The following DPP6 variants were observed in gnomAD, a reference collection of about 807,000 sequenced individuals.
The protein encoded by DPP6 is dipeptidyl peptidase like 6, also known as A-type potassium channel modulatory protein DPP6.
Under a neutral mutation model 122.6 loss-of-function variants are expected in DPP6, and 69 were observed. That is an observed-to-expected ratio of 0.56 (90% CI 0.46 to 0.69). DPP6 has a LOEUF of 0.69. DPP6 is among the 30% of genes least tolerant of loss of function. The pLI is 0.00. For missense variants in DPP6, 928 were observed against 1,116.9 expected, an observed-to-expected ratio of 0.83 and a Z score of 2.41; for synonymous variants, 418 against 433.1, an observed-to-expected ratio of 0.97 and a Z score of 0.43.
At chr7:154,348,395 G>T (rs886787337) in intron 1 of DPP6, among the ~76,000 whole-genome samples, 3 of 152,140 alleles carry the variant, frequency 2.0e-5, no homozygotes, top group Admixed American at 1.3e-4. Context: ...AGAAATGAAA[G>T]TCTTAATTAA....
chr7:153,860,907 G>T, the DPP6 span, among the ~76,000 whole-genome samples: 1 of 152,164 alleles, frequency 6.6e-6, no homozygotes, highest in African/African-American at 2.4e-5. Flanking sequence ...GCAGAGGAGA[G>T]GCAAGTTAAT....
At chr7:154,051,498 C>T (rs1301037448), upstream of DPP6, among the ~76,000 whole-genome samples, 2 of 149,410 alleles carry the variant, frequency 1.3e-5, no homozygotes, top group Admixed American at 6.6e-5. Flanking sequence ...GAGCGGAGCC[C>T]GCTGGTGCGG....
chr7:153,786,870 TA>T, the DPP6 span, among the ~76,000 whole-genome samples: 1 of 145,996 alleles, frequency 6.8e-6, no homozygotes, highest in Non-Finnish European at 1.5e-5. Flanking sequence ...GTCAGGGAAG[TA>T]AAAAAATGGC....
At chr7:154,708,068 T>TA (rs1840933037) in intron 7 of DPP6, among the ~76,000 whole-genome samples, 1 of 152,194 alleles carries the variant, frequency 6.6e-6, no homozygotes, top group Non-Finnish European at 1.5e-5. Flanking sequence ...GAGGGCAAAA[T>TA]AGAGTCAGTA....
intron 1 of DPP6, among the ~76,000 whole-genome samples, chr7:154,018,495 C>T (rs1451864467): frequency 1.3e-5 from 2 of 152,170 alleles, no homozygotes; most frequent in Non-Finnish European, 2.9e-5. Context: ...TTTGTGGAGT[C>T]TAGGAACAGG....
At chr7:154,327,001 C>T (rs1468112862) in intron 1 of DPP6, among the ~76,000 whole-genome samples, 2 of 152,010 alleles carry the variant, frequency 1.3e-5, no homozygotes, top group East Asian at 3.9e-4. Flanking sequence ...TTCCTGTCTC[C>T]GGGGAGGTCA....
chr7:154,316,436 C>A (rs1807435596), intron 1 of DPP6, among the ~76,000 whole-genome samples: 1 of 152,192 alleles, frequency 6.6e-6, no homozygotes, highest in Non-Finnish European at 1.5e-5. Context: ...ATCACCAAAG[C>A]CCTTTTTTGT....
In DPP6 at chr7:154,491,379, C is replaced by T. The variant is rs1201147820; in HGVS notation, c.457+16342C>T. Among the ~76,000 whole-genome samples, 5 of 152,318 alleles carry T rather than the reference C, an allele frequency of 3.3e-5. No individual in the cohort carries two copies. The East Asian group carries it at 9.7e-4, about 29-fold the overall frequency. ...TCATTAAGCTCGGAAAATCCTTACTCCCTGATTGCTCAGATCCCACAGATG... is the reference window on the plus strand; with the variant it reads ...TCATTAAGCTCGGAAAATCCTTACTTCCTGATTGCTCAGATCCCACAGATG... On this transcript the variant is annotated intron_variant, in intron 3 of 25. Transcript: ENST00000377770.
At chr7:154,145,256 A>G (rs1344035583) in intron 1 of DPP6, among the ~76,000 whole-genome samples, 1 of 152,172 alleles carries the variant, frequency 6.6e-6, no homozygotes, top group African/African-American at 2.4e-5. Flanking sequence ...GAGACTTTGG[A>G]TGGCCTCTAG....
chr7:154,448,623 A>G (rs565509688), intron 2 of DPP6, among the ~76,000 whole-genome samples: 4 of 152,344 alleles, frequency 2.6e-5, no homozygotes, highest in South Asian at 2.1e-4. Context: ...AGTCAAAACA[A>G]TCTCAAAAAA....
chr7:154,269,102 C>A (rs547481867), intron 1 of DPP6, among the ~76,000 whole-genome samples: 1 of 151,150 alleles, frequency 6.6e-6, no homozygotes, highest in South Asian at 2.1e-4. Context: ...TTTTAAGCCC[C>A]TGTGATATCC....
At chr7:154,171,010 C>T (rs900157738) in intron 1 of DPP6, among the ~76,000 whole-genome samples, 1 of 152,190 alleles carries the variant, frequency 6.6e-6, no homozygotes, top group African/African-American at 2.4e-5. Context: ...CCTTCTCTTC[C>T]TGCTGCTCGC....
intron 1 of DPP6, among the ~76,000 whole-genome samples, chr7:153,939,196 A>G (rs915177311): frequency 6.6e-6 from 1 of 152,238 alleles, no homozygotes. Flanking sequence ...TGTTAGTCCC[A>G]TACTTCATAT....
At chr7:154,573,029 T>C (rs947156853) in intron 5 of DPP6, among the ~76,000 whole-genome samples, 5 of 152,138 alleles carry the variant, frequency 3.3e-5, no homozygotes, top group Admixed American at 1.3e-4. Context: ...GCTATTGTTA[T>C]AATATGGTTC....
At chr7:154,277,049 G>A (rs1242716961) in intron 1 of DPP6, among the ~76,000 whole-genome samples, 1 of 152,092 alleles carries the variant, frequency 6.6e-6, no homozygotes, top group Non-Finnish European at 1.5e-5. Flanking sequence ...CAAAAATGTG[G>A]AACTAAATAG....
rs370103270 is a variant in DPP6, at chr7:154,587,771, T to C, written c.627+20855T>C. ...GGCTGTTTTCTTCATTACATCACCATGTCTCTTCCTCTTCACTGCCTGCGT... is the reference window on the plus strand; with the variant it reads ...GGCTGTTTTCTTCATTACATCACCACGTCTCTTCCTCTTCACTGCCTGCGT... On this transcript the variant is annotated intron_variant, in intron 5 of 25. Transcript: ENST00000377770. 107 of 1,604,066 alleles carry C rather than the reference T, an allele frequency of 6.7e-5. No homozygotes were observed. The African/African-American group carries it at 1.4e-3, about 20-fold the overall frequency.
rs1805162807 is a variant in DPP6 at position 154,879,413 on chromosome 7, TACTAAAAAAAAAAAAAAATACAAAAA to T, written c.2079-1473_2079-1448del. On this transcript the variant is annotated intron_variant, in intron 20 of 25. Coordinates refer to ENST00000377770, the MANE Select transcript of DPP6 (RefSeq NM_130797.4). Reference sequence around the variant, plus strand: ...GGCTAACACGGTGAAACCCCGTCTCTACTAAAAAAAAAAAAAAATACAAAAAATTAGCCGGGCGAGGTGGCGGGCAC... The same window carrying T: ...GGCTAACACGGTGAAACCCCGTCTCTATTAGCCGGGCGAGGTGGCGGGCAC... Among the ~76,000 whole-genome samples, 10 of 92,408 alleles carry T rather than the reference TACTAAAAAAAAAAAAAAATACAAAAA, an allele frequency of 1.1e-4. 1 individual carries two copies. The highest frequency in any genetic ancestry group is 1.7e-4 in the African/African-American group (3 of 17,476). 60.6% of individuals were successfully genotyped at this position (92,408 alleles called of 152,430 possible). A position where few individuals can be genotyped will look rare whatever the true frequency, so the allele number is the denominator to read the frequency against.
intron 1 of DPP6, among the ~76,000 whole-genome samples, chr7:154,074,149 GTAT>G (rs1803377366): frequency 2.4e-5 from 1 of 41,674 alleles, no homozygotes; most frequent in African/African-American, 1.1e-4. Context: ...CTCTATATAT[GTAT>G]ATAGATATGT....
chr7:154,880,968 A>G (rs1252580386), intron 21 of DPP6, 26 bp downstream of exon 21: 43 of 1,613,272 alleles, frequency 2.7e-5, no homozygotes, highest in Non-Finnish European at 3.6e-5. Context: ...CCTGGTCTGA[A>G]AACCCCTCAG....
Sources: gnomAD v4.1 joint callset for allele counts (sites outside exome capture counted in the v4.1 genomes callset) on GRCh38, gnomAD v4.1.1 for gene constraint, MANE v1.5 for transcripts, NCBI Gene and HGNC (gene_info 2026-07-23, HGNC 2026-07-21) for gene names.